The following KIF26B variants were observed in gnomAD, a reference collection of about 807,000 sequenced individuals.
KIF26B encodes kinesin family member 26B, also known as kinesin-like protein KIF26B.
KIF26B carries 63 observed loss-of-function variants against 151.2 expected under a neutral mutation model. The observed-to-expected ratio is 0.42, with a 90% CI of 0.34 to 0.51. The LOEUF is 0.51. KIF26B is among the 20% of genes least tolerant of loss of function. KIF26B has a pLI of 0.07. For synonymous variants in KIF26B, 1,357 were observed against 1,262.1 expected (o/e 1.08, Z -1.59); for missense variants, 2,813 against 2,913.6 (o/e 0.97, Z 0.79).
rs2043346291 is a variant in KIF26B at position 245,597,477 on chromosome 1, T to C, written c.1351-5100T>C. On this transcript the variant is annotated intron_variant, in intron 5 of 14. Transcript: ENST00000407071. The surrounding 1 kb of genome is among the most constrained non-coding windows in gnomAD (Gnocchi z 4.6). ...CCCCACCCTCTTCTGGCTTGTAGGG[T>C]TTCTGCAGAGAGATCTGCTGTTAGT... Among the ~76,000 whole-genome samples the C allele has an allele frequency of 6.6e-6, 1 of 152,180 alleles. No homozygotes were observed. Among genetic ancestry groups the C allele is most frequent in the African/African-American group, 2.4e-5 (1 of 41,512 alleles).
rs928779468 is a variant in KIF26B at position 245,548,213 on chromosome 1, A to G, written c.1350+7263A>G. On this transcript the variant is annotated intron_variant, in intron 5 of 14. Coordinates refer to ENST00000407071, the MANE Select transcript of KIF26B (RefSeq NM_018012.4). The stretch of plus-strand genomic sequence containing the variant: ...TGTTAGCTTCTTGGGAGGAGGAAAC[A>G]TGTTCTTTTCATCTTTGTACCCTTT... 9.9e-5 allele frequency among the ~76,000 whole-genome samples: 15 copies of G among 152,156 alleles called. 1 individual carries two copies. The highest frequency in any genetic ancestry group is 3.1e-4 in the African/African-American group (13 of 41,416).
chr1:245,510,127 C>A (rs1660801140), intron 4 of KIF26B, among the ~76,000 whole-genome samples: 1 of 152,020 alleles, frequency 6.6e-6, no homozygotes, highest in African/African-American at 2.4e-5. Flanking sequence ...TTTCCTGAGG[C>A]AGGGAAAAAG....
At chr1:245,312,632 G>A (rs763495541) in intron 2 of KIF26B, among the ~76,000 whole-genome samples, 8 of 151,818 alleles carry the variant, frequency 5.3e-5, no homozygotes, top group Non-Finnish European at 1.0e-4. Flanking sequence ...GTGGGGGTGG[G>A]CGGTAGCAAG....
At chr1:245,316,623 C>A (rs1226662733) in intron 2 of KIF26B, among the ~76,000 whole-genome samples, 2 of 151,836 alleles carry the variant, frequency 1.3e-5, no homozygotes, top group Non-Finnish European at 2.9e-5. Context: ...TTTCCTATTC[C>A]TGCATTTATA....
At chr1:245,608,094 C>A (rs566093814) in intron 7 of KIF26B, among the ~76,000 whole-genome samples, 1 of 152,252 alleles carries the variant, frequency 6.6e-6, no homozygotes, top group Admixed American at 6.5e-5. Context: ...ACCACCGCAC[C>A]CATGAGGATG....
chr1:245,184,056 T>TTTTTTTTTTG (rs1558337195), intron 2 of KIF26B, among the ~76,000 whole-genome samples: 4 of 116,542 alleles, frequency 3.4e-5, no homozygotes, highest in African/African-American at 1.2e-4. Context: ...TGTTGTTTTT[T>TTTTTTTTTTG]TTTTTTTTTT....
At chr1:245,697,290 G>T (rs1311282194) in intron 12 of KIF26B, among the ~76,000 whole-genome samples, 3 of 152,158 alleles carry the variant, frequency 2.0e-5, no homozygotes, top group Admixed American at 6.6e-5. Context: ...TCTCCATTCT[G>T]GGAGCCATGT....
chr1:245,698,279 C>T lies in KIF26B; in HGVS notation c.5998C>T (p.Leu2000=). ...CTATGAAATCGATGACGTGGAGCGCCTGCAGCGGCGACGAGGGGGTGCCAG... is the reference window on the plus strand; with the variant it reads ...CTATGAAATCGATGACGTGGAGCGCTTGCAGCGGCGACGAGGGGGTGCCAG... ...KVYEIDDVER[L]QRRRGGASKE... The change falls in exon 13 of 15, where the codon CTG becomes TTG. Residue 2000 remains leucine (L), a synonymous_variant. Transcript: ENST00000407071. This position sits in a 1 kb window ranked among gnomAD's most constrained non-coding sequence, Gnocchi z 4.0. 6.2e-7 allele frequency: 1 copy of T among 1,613,718 alleles called. No homozygotes were observed.
At chr1:245,155,548 C>T in intron 1 of KIF26B, 61 bp downstream of exon 1, 1 of 1,428,092 alleles carries the variant, frequency 7.0e-7, no homozygotes, top group African/African-American at 1.4e-5. Context: ...GGAGGTCCCC[C>T]TTTCCCCGGG....
At chr1:245,247,288 TAAAAAAAA>T (rs769748932) in intron 2 of KIF26B, among the ~76,000 whole-genome samples, 2 of 116,760 alleles carry the variant, frequency 1.7e-5, no homozygotes, top group Non-Finnish European at 3.6e-5. Flanking sequence ...TCATCTCTAC[TAAAAAAAA>T]AAAAAAAAAA....
rs981012545 is a variant in KIF26B, at chr1:245,241,848, G to A, written c.465+85165G>A. On this transcript the variant is annotated intron_variant, in intron 2 of 14. Transcript: ENST00000407071. The surrounding 1 kb of genome is among the most constrained non-coding windows in gnomAD (Gnocchi z 5.0). The stretch of plus-strand genomic sequence containing the variant: ...CGGCCCTGGTGGATCCCCTTAGCCT[G>A]TGGTATGAGCTCAGTCCCCATTTCT... Among the ~76,000 whole-genome samples, 2 of 152,146 alleles carry A rather than the reference G, an allele frequency of 1.3e-5. No individual in the cohort carries two copies. Among genetic ancestry groups the A allele is most frequent in the Non-Finnish European group, 2.9e-5 (2 of 68,018 alleles).
intron 10 of KIF26B, among the ~76,000 whole-genome samples, chr1:245,673,120 C>T (rs1478880498): frequency 1.1e-4 from 14 of 133,008 alleles, no homozygotes; most frequent in Admixed American, 3.0e-4. Context: ...CCCCGCTGCG[C>T]GCTGCCATCT....
chr1:245,403,912 A>C (rs144003275), intron 3 of KIF26B, among the ~76,000 whole-genome samples: 5 of 152,308 alleles, frequency 3.3e-5, no homozygotes, highest in Non-Finnish European at 7.4e-5. Context: ...AGGGCTTACT[A>C]CAAGTGCTAC....
chr1:245,316,640 C>A (rs75822623), intron 2 of KIF26B, among the ~76,000 whole-genome samples: 1 of 151,986 alleles, frequency 6.6e-6, no homozygotes, highest in Admixed American at 6.6e-5. Flanking sequence ...TATAAAGTAA[C>A]AATTCATTTA....
intron 2 of KIF26B, among the ~76,000 whole-genome samples, chr1:245,201,073 C>T (rs556292952): frequency 3.3e-5 from 5 of 152,266 alleles, no homozygotes; most frequent in East Asian, 1.9e-4. Flanking sequence ...CAGCTGAAGA[C>T]GACAGCAGCT....
chr1:245,246,299 C>G (rs1670329812), intron 2 of KIF26B, among the ~76,000 whole-genome samples: 1 of 152,224 alleles, frequency 6.6e-6, no homozygotes, highest in Non-Finnish European at 1.5e-5. Flanking sequence ...AGCCAACGCT[C>G]TGCTCTTCGG....
rs1673259314 is a variant in KIF26B, at chr1:245,375,776, A to G, written c.999+8409A>G. 6.6e-6 allele frequency among the ~76,000 whole-genome samples: 1 copy of G among 152,208 alleles called. No individual in the cohort carries two copies. Among genetic ancestry groups the G allele is most frequent in the African/African-American group, 2.4e-5 (1 of 41,446 alleles). On this transcript the variant is annotated intron_variant, in intron 3 of 14. Transcript: ENST00000407071. This position sits in a 1 kb window ranked among gnomAD's most constrained non-coding sequence, Gnocchi z 4.2. ...TAAGGAGAAGCGGGATGGGGTCTAC[A>G]GACCAAGGAGTCCCTGCAGAAACCT...
intron 5 of KIF26B, among the ~76,000 whole-genome samples, chr1:245,568,870 A>G (rs1225658084): frequency 6.6e-6 from 1 of 152,222 alleles, no homozygotes; most frequent in Non-Finnish European, 1.5e-5. Flanking sequence ...AATTGGGCAG[A>G]ACCAGAATGG....
chr1:245,241,997 T>C lies in KIF26B; in HGVS notation c.465+85314T>C, dbSNP rs1184384731. Among the ~76,000 whole-genome samples, 2 of 152,246 alleles carry C rather than the reference T, an allele frequency of 1.3e-5. No individual in the cohort carries two copies. Among genetic ancestry groups the C allele is most frequent in the Non-Finnish European group, 2.9e-5 (2 of 68,044 alleles). On this transcript the variant is annotated intron_variant, in intron 2 of 14. Transcript: ENST00000407071. This position sits in a 1 kb window ranked among gnomAD's most constrained non-coding sequence, Gnocchi z 5.0. ...ATCCTCTGTGCTTTTCATCACACTA[T>C]TTCCTCTGCCTGGAATGTCTGTCTT...
Sources: allele counts gnomAD v4.1 joint callset (sites outside exome capture counted in the v4.1 genomes callset), GRCh38; gene constraint gnomAD v4.1.1; non-coding constraint Gnocchi (gnomAD v3.1); transcripts MANE v1.5; gene names NCBI Gene and HGNC (gene_info 2026-07-23, HGNC 2026-07-21).